The following DDX51 variants were observed in gnomAD, a reference collection of about 807,000 sequenced individuals.
The protein encoded by DDX51 is DEAD-box helicase 51.
In DDX51, 67 loss-of-function variants were observed where a neutral mutation model predicts 74.6. The observed-to-expected ratio is 0.90, with a 90% CI of 0.74 to 1.10. The LOEUF is 1.10. Ranked by LOEUF, DDX51 falls within the 50% of genes least tolerant of loss-of-function variation. DDX51 has a pLI of 0.00. For missense variants in DDX51, 1,056 were observed against 905.2 expected (o/e 1.17, Z -2.14); for synonymous variants, 545 against 402.9 (o/e 1.35, Z -4.22).
Position 132,139,717 on chromosome 12 carries a change from C to T in DDX51, c.1892G>A (p.Arg631Gln), listed in dbSNP as rs200781935. The T allele has an allele frequency of 2.5e-4, 403 of 1,613,060 alleles. 2 individuals carry two copies. In the East Asian group the frequency reaches 4.7e-3, roughly 19 times the overall value. ...LTEAGAPELQ[R>Q]HELSSKLLQP... ...CAGCAGCTTGCTGGAGAGCTCGTGC[C>T]GCTGCAACTCAGGTGCCCCAGCTTC... is the stretch of plus-strand genomic sequence containing the variant. Residue 631 changes from arginine to glutamine, a missense_variant, in exon 14 of 15, where the codon CGG becomes CAG. Transcript: ENST00000397333.
Position 132,143,014 on chromosome 12 carries a change from C to T in DDX51, c.520-136G>A. ...AGCTCCTTCTCAGCCCCAGGATGCG[C>T]TTTCCATACAGCCTTCAGAAGTTAA... is the stretch of plus-strand genomic sequence containing the variant. On this transcript the variant is annotated intron_variant, in intron 2 of 14. Transcript: ENST00000397333. 4.3e-6 allele frequency: 5 copies of T among 1,153,184 alleles called. No individual in the cohort carries two copies. In the South Asian group the frequency reaches 5.2e-5, roughly 12 times the overall value. The allele number at this position is 1,153,184 out of a possible 1,614,324, so 71.4% of individuals were successfully genotyped here. A position where few individuals can be genotyped will look rare whatever the true frequency, so the allele number is the denominator to read the frequency against.
chr12:132,139,257 C>A lies in DDX51; in HGVS notation c.*15G>T. ...GTGGTGAGCGTTCAGTCCCTCCGGCCCTCTGAGCCCCAGCCTAGGCCGCCC... is the reference window on the plus strand; with the variant it reads ...GTGGTGAGCGTTCAGTCCCTCCGGCACTCTGAGCCCCAGCCTAGGCCGCCC... On this transcript the variant is annotated 3_prime_UTR_variant, in exon 15 of 15. Coordinates refer to ENST00000397333, the MANE Select transcript of DDX51 (RefSeq NM_175066.4). The A allele has an allele frequency of 1.2e-6, 2 of 1,607,320 alleles. No homozygotes were observed. The highest frequency in any genetic ancestry group is 1.7e-6 in the Non-Finnish European group (2 of 1,178,482).
Position 132,140,734 on chromosome 12 carries a change from T to C in DDX51, c.1442A>G (p.His481Arg). The change falls in exon 10 of 15, where the codon CAC (histidine) becomes CGC (arginine). Residue 481 changes from histidine (H) to arginine (R), a missense_variant and splice_region_variant. By Grantham distance (29) the His-to-Arg change is conservative (BLOSUM62 0). Transcript: ENST00000397333. ...GKYAFPVGLT[H>R]HYVPCSLSSK... The stretch of plus-strand genomic sequence containing the variant: ...GCTGAGGCTGCAGGGCACGTAGTGG[T>C]GCTACAGGGACGGCAGGGGGTCGGG... 1 of 1,612,940 alleles carries C rather than the reference T, an allele frequency of 6.2e-7. No homozygotes were observed. The highest frequency in any genetic ancestry group is 8.5e-7 in the Non-Finnish European group (1 of 1,179,978).
intron 6 of DDX51, 61 bp downstream of exon 6, chr12:132,141,789 C>G: frequency 2.5e-6 from 4 of 1,580,668 alleles, no homozygotes; most frequent in Non-Finnish European, 3.5e-6. Context: ...CACGGTGCCT[C>G]AGGCCACCTG....
At position 132,142,892 on chromosome 12, in the gene DDX51, G is replaced by A. The variant is rs367829380; in HGVS notation, c.520-14C>T. ...GAAAGGCTGGACCTGCCATCAAAAA[G>A]AAAGAGAGGCCAGGTGAGCGCTTTC... On this transcript the variant is annotated splice_polypyrimidine_tract_variant and intron_variant, in intron 2 of 14. Coordinates refer to ENST00000397333, the MANE Select transcript of DDX51 (RefSeq NM_175066.4). 5.4e-5 allele frequency: 87 copies of A among 1,612,100 alleles called. No homozygotes were observed. The highest frequency in any genetic ancestry group is 6.5e-5 in the Non-Finnish European group (77 of 1,179,972).
intron 2 of DDX51, 147 bp from the exon 3 acceptor site, chr12:132,143,025 G>A (rs1049991984): frequency 4.9e-6 from 5 of 1,026,426 alleles, no homozygotes; most frequent in Non-Finnish European, 5.7e-6. Context: ...TTTCCATACA[G>A]CCTTCAGAAG....
Position 132,138,078 on chromosome 12 carries a change from T to C in DDX51, c.*1194A>G, listed in dbSNP as rs909518215. 2 of 152,220 alleles carry C rather than the reference T, an allele frequency of 1.3e-5. No homozygotes were observed. The highest frequency in any genetic ancestry group is 4.8e-5 in the African/African-American group (2 of 41,438). The allele number at this position is 152,220 out of a possible 1,614,324, so 9.4% of individuals were successfully genotyped here. A position where few individuals can be genotyped will look rare whatever the true frequency, so the allele number is the denominator to read the frequency against. ...TTCTCCATTCATCAGCTGACGGACA[T>C]GTGGTTTCTAGTTTTTGGCTACTGT... is the stretch of plus-strand genomic sequence containing the variant. On this transcript the variant is annotated 3_prime_UTR_variant, in exon 15 of 15. Transcript: ENST00000397333.
In DDX51 at chr12:132,139,775, G is replaced by C. The variant is rs754038692; in HGVS notation, c.1840-6C>G. The stretch of plus-strand genomic sequence containing the variant: ...ATTCGGAGGAATCTCCTCTCCTGGA[G>C]AGAAGCTCATGGTGGAAGGGGGTTC... On this transcript the variant is annotated splice_region_variant and splice_polypyrimidine_tract_variant and intron_variant, in intron 13 of 14. Coordinates refer to ENST00000397333, the MANE Select transcript of DDX51 (RefSeq NM_175066.4). 1 of 1,613,014 alleles carries C rather than the reference G, an allele frequency of 6.2e-7. No homozygotes were observed. The highest frequency in any genetic ancestry group is 1.3e-5 in the African/African-American group (1 of 74,922).
chr12:132,139,528 G>C lies in DDX51; in HGVS notation c.1974+107C>G. The stretch of plus-strand genomic sequence containing the variant: ...AGGACAACCTGTGTGACCCTCTGTT[G>C]CCTTCTCGCTTTCCTCTTTTTCCCT... On this transcript the variant is annotated intron_variant, in intron 14 of 14. Transcript: ENST00000397333. 1.9e-6 allele frequency: 3 copies of C among 1,600,328 alleles called. No homozygotes were observed. The South Asian group carries it at 3.3e-5, about 18-fold the overall frequency.
At chr12:132,140,272 G>A in intron 11 of DDX51, 73 bp from the exon 12 acceptor site, 2 of 1,572,630 alleles carry the variant, frequency 1.3e-6, no homozygotes, top group Non-Finnish European at 1.7e-6. Context: ...CCCTGCGGGG[G>A]GCAGCTCAGG....
At chr12:132,139,541 C>T (rs779616219) in intron 14 of DDX51, 94 bp downstream of exon 14, 6 of 1,608,114 alleles carry the variant, frequency 3.7e-6, no homozygotes, top group Non-Finnish European at 5.1e-6. Flanking sequence ...TTCTCGCTTT[C>T]CTCTTTTTCC....
In DDX51 at chr12:132,144,054, C is replaced by G; in HGVS notation, c.243G>C (p.Pro81=). ...RRRRRVNDAE[P]GSPEAPQGKR... Reference sequence around the variant, plus strand: ...TTCCCTGCGGCGCCTCCGGGCTCCCCGGCTCCGCGTCGTTCACCCGCCGCC... The same window carrying G: ...TTCCCTGCGGCGCCTCCGGGCTCCCGGGCTCCGCGTCGTTCACCCGCCGCC... The change falls in exon 1 of 15, where the codon CCG becomes CCC. Residue 81 remains proline, a synonymous_variant. Transcript: ENST00000397333. The G allele has an allele frequency of 7.6e-7, 1 of 1,316,882 alleles. No individual in the cohort carries two copies. Among genetic ancestry groups the G allele is most frequent in the South Asian group, 2.2e-5 (1 of 46,468 alleles). The allele number at this position is 1,316,882 out of a possible 1,614,324, so 81.6% of individuals were successfully genotyped here.
chr12:132,141,732 T>A (rs898179210), intron 6 of DDX51, 118 bp downstream of exon 6: 117 of 1,454,752 alleles, frequency 8.0e-5, no homozygotes, highest in Non-Finnish European at 1.1e-4. Context: ...GAGCTCCTCC[T>A]CTTCACGGGA....
intron 9 of DDX51, 26 bp downstream of exon 9, chr12:132,140,805 C>G (rs1897425175): frequency 6.2e-7 from 1 of 1,613,362 alleles, no homozygotes; most frequent in Non-Finnish European, 8.5e-7. Flanking sequence ...CAGTGCAACC[C>G]TCTGCCCACA....
rs761964646 is a variant in DDX51, at chr12:132,141,875, C to A, written c.970G>T (p.Glu324Ter). ...GTTTTCTGGACGAGGCTCTCCTGCT[C>A]CTTGGCCAGAGACTTCTGTCCCGTA... ...LVTGQKSLAK[E>*]QESLVQKTAD... Residue 324 changes from glutamate to a stop codon, truncating the protein, a stop_gained, in exon 6 of 15, where the codon GAG becomes TAG. Transcript: ENST00000397333. LOFTEE classifies it high-confidence loss of function. The A allele has an allele frequency of 2.0e-5, 33 of 1,613,196 alleles. No homozygotes were observed. The highest frequency in any genetic ancestry group is 2.6e-5 in the Non-Finnish European group (31 of 1,180,006).
Position 132,139,286 on chromosome 12 carries a change from G to A in DDX51, c.1987C>T (p.Gln663Ter). The stretch of plus-strand genomic sequence containing the variant: ...TGAGCCCCAGCCTAGGCCGCCCTCT[G>A]CTTGCGCTCTTCCTGTGGAGGAAAG... ...LEESVKEERKQRAA is the reference protein window; with the variant it reads ...LEESVKEERK Residue 663 changes from glutamine (Q) to a stop codon, truncating the protein, a stop_gained, in exon 15 of 15, where the codon CAG (glutamine) becomes TAG (stop). Coordinates refer to ENST00000397333, the MANE Select transcript of DDX51 (RefSeq NM_175066.4). LOFTEE classifies it high-confidence loss of function. The A allele has an allele frequency of 1.2e-6, 2 of 1,608,866 alleles. No homozygotes were observed. Among genetic ancestry groups the A allele is most frequent in the Non-Finnish European group, 8.5e-7 (1 of 1,178,862 alleles).
At chr12:132,143,504 G>A (rs1897562844) in intron 2 of DDX51, 191 bp downstream of exon 2, 2 of 739,108 alleles carry the variant, frequency 2.7e-6, no homozygotes, top group East Asian at 3.0e-5. Flanking sequence ...GGCAAGCCTA[G>A]CAGAGGAAAC....
chr12:132,140,209 C>T lies in DDX51; in HGVS notation c.1674-10G>A. 2 of 1,610,122 alleles carry T rather than the reference C, an allele frequency of 1.2e-6. No individual in the cohort carries two copies. Among genetic ancestry groups the T allele is most frequent in the African/African-American group, 1.3e-5 (1 of 75,018 alleles). ...GTCCGTGCTGATGAGCCTGCCGGGA[C>T]ACGCAGCATTGTGGGCCCGACGTGC... On this transcript the variant is annotated splice_polypyrimidine_tract_variant and intron_variant, in intron 11 of 14. Coordinates refer to ENST00000397333, the MANE Select transcript of DDX51 (RefSeq NM_175066.4).
Position 132,140,966 on chromosome 12 carries a change from G to T in DDX51, c.1305C>A (p.Thr435=). The change falls in exon 9 of 15, where the codon ACC becomes ACA. Residue 435 remains threonine, a synonymous_variant. Transcript: ENST00000397333. ...GCTGCTGCAGCTTTTCAGGGTTCTG[G>T]GTCAGAGTAGCTGAGAAGAGCAGCT... ...LQKLLFSATL[T]QNPEKLQQLG... is the part of the protein sequence containing the mutation. The T allele has an allele frequency of 3.1e-6, 5 of 1,612,330 alleles. No individual in the cohort carries two copies. The highest frequency in any genetic ancestry group is 4.2e-6 in the Non-Finnish European group (5 of 1,179,712).
Sources: gnomAD v4.1 joint callset for allele counts on GRCh38, gnomAD v4.1.1 for gene constraint, MANE v1.5 for transcripts, NCBI Gene and HGNC (gene_info 2026-07-23, HGNC 2026-07-21) for gene names.